The following ATP2C1 variants were observed in gnomAD, a reference collection of about 807,000 sequenced individuals.
The protein encoded by ATP2C1 is calcium-transporting ATPase type 2C member 1.
In ATP2C1, 31 loss-of-function variants were observed where a neutral mutation model predicts 120.5. The observed-to-expected ratio is 0.26, with a 90% confidence interval of 0.19 to 0.35. The LOEUF is 0.35. Among genes scored for constraint, ATP2C1 ranks in the 10% least tolerant of loss-of-function variants. ATP2C1 has a pLI of 1.00. For synonymous variants in ATP2C1, 351 were observed against 358.7 expected (o/e 0.98, Z 0.24); for missense variants, 731 against 1,107.5 (o/e 0.66, Z 4.83).
At position 131,001,540 on chromosome 3, in the gene ATP2C1, C is replaced by T; in HGVS notation, c.*190C>T. On this transcript the variant is annotated 3_prime_UTR_variant, in exon 28 of 28. Coordinates refer to ENST00000510168, the MANE Select transcript of ATP2C1 (RefSeq NM_001378687.1). ...AAATGAAATTATGCAACTTTGATAT[C>T]ATATTCCTTGATTTAAATTGGCTTT... The T allele has an allele frequency of 7.7e-7, 1 of 1,297,810 alleles. No individual in the cohort carries two copies. The highest frequency in any genetic ancestry group is 9.8e-7 in the Non-Finnish European group (1 of 1,018,434). 80.4% of individuals were successfully genotyped at this position (1,297,810 alleles called of 1,614,324 possible). A position where few individuals can be genotyped will look rare whatever the true frequency, so the allele number is the denominator to read the frequency against.
chr3:130,995,865 G>A (rs79416285), intron 22 of ATP2C1, among the ~76,000 whole-genome samples, 178 bp from the exon 23 acceptor site: 4 of 152,194 alleles, frequency 2.6e-5, no homozygotes, highest in South Asian at 2.1e-4. Context: ...AGGCTGGTCC[G>A]AACTCGTGAC....
At chr3:130,973,768 T>G (rs899904912) in intron 17 of ATP2C1, among the ~76,000 whole-genome samples, 4 of 152,216 alleles carry the variant, frequency 2.6e-5, no homozygotes, top group Admixed American at 2.6e-4. Flanking sequence ...CTTTATACTT[T>G]TCAATGAAAA....
At chr3:130,980,542 A>C (rs1448550587) in intron 19 of ATP2C1, 40 bp from the exon 20 acceptor site, 20 of 1,487,934 alleles carry the variant, frequency 1.3e-5, no homozygotes, top group Non-Finnish European at 1.7e-5. Context: ...TCAAGCAAAA[A>C]CAATTTGGTT....
At position 131,001,771 on chromosome 3, in the gene ATP2C1, A is replaced by G; in HGVS notation, c.*421A>G. ...ATACACAAATAAATTTAATCATTTC[A>G]AAGGCATTCTATTTGGTTTAGAAGT... On this transcript the variant is annotated 3_prime_UTR_variant, in exon 28 of 28. Coordinates refer to ENST00000510168, the MANE Select transcript of ATP2C1 (RefSeq NM_001378687.1). The G allele has an allele frequency of 1.0e-6, 1 of 983,424 alleles. No individual in the cohort carries two copies. Among genetic ancestry groups the G allele is most frequent in the Non-Finnish European group, 1.2e-6 (1 of 827,686 alleles). The allele number at this position is 983,424 out of a possible 1,614,324, so 60.9% of individuals were successfully genotyped here.
Position 130,894,914 on chromosome 3 carries a change from T to C in ATP2C1, c.6+139T>C, listed in dbSNP as rs1279705065. 4.2e-6 allele frequency: 4 copies of C among 947,534 alleles called. No homozygotes were observed. In the African/African-American group the frequency reaches 4.9e-5, roughly 12 times the overall value. 58.7% of individuals were successfully genotyped at this position (947,534 alleles called of 1,614,324 possible). On this transcript the variant is annotated intron_variant, in intron 2 of 27. Coordinates refer to ENST00000510168, the MANE Select transcript of ATP2C1 (RefSeq NM_001378687.1). The surrounding 1 kb of genome is among the most constrained non-coding windows in gnomAD (Gnocchi z 4.5). ...GTATGTGAAGTGTCCAAGGATTTGC[T>C]TACTTAGGGTATCCAGCTTTTATTT...
chr3:130,971,200 G>A (rs547307578), intron 17 of ATP2C1, among the ~76,000 whole-genome samples: 56 of 152,276 alleles, frequency 3.7e-4, no homozygotes, highest in African/African-American at 1.3e-3. Flanking sequence ...AGATAGTGTG[G>A]CTCATGTAAT....
intron 17 of ATP2C1, among the ~76,000 whole-genome samples, chr3:130,971,717 A>T (rs1031965801): frequency 3.9e-5 from 6 of 152,178 alleles, no homozygotes; most frequent in Admixed American, 6.5e-5. Context: ...TAAGGAACCA[A>T]TAGAACTCCC....
chr3:130,953,249 A>T (rs1454167301), intron 8 of ATP2C1, among the ~76,000 whole-genome samples: 1 of 152,002 alleles, frequency 6.6e-6, no homozygotes, highest in Non-Finnish European at 1.5e-5. Context: ...GAGTTGGAAG[A>T]TATTATGATA....
chr3:130,852,324 A>G (rs2067699333), intron 1 of ATP2C1, among the ~76,000 whole-genome samples: 1 of 152,190 alleles, frequency 6.6e-6, no homozygotes, highest in South Asian at 2.1e-4. Flanking sequence ...CAACTGTGGA[A>G]TGTGAATTGA....
intron 1 of ATP2C1, among the ~76,000 whole-genome samples, chr3:130,851,429 T>A (rs751187251): frequency 6.2e-4 from 94 of 152,306 alleles, no homozygotes; most frequent in Admixed American, 1.4e-3. Flanking sequence ...CATTTTTGTG[T>A]GTGTAAAAGG....
chr3:130,920,667 T>C (rs900524921), intron 2 of ATP2C1, among the ~76,000 whole-genome samples: 1 of 152,214 alleles, frequency 6.6e-6, no homozygotes, highest in African/African-American at 2.4e-5. Flanking sequence ...TATGGTCTTT[T>C]GTGGTTCCAT....
rs1480405567 is a variant in ATP2C1, at chr3:130,911,947, G to A, written c.6+17172G>A. 7.3e-5 allele frequency among the ~76,000 whole-genome samples: 10 copies of A among 137,016 alleles called. No homozygotes were observed. The South Asian group carries it at 1.3e-3, about 17-fold the overall frequency. The allele number at this position is 137,016 out of a possible 152,430, so 89.9% of individuals were successfully genotyped here. The stretch of plus-strand genomic sequence containing the variant: ...GAACAGAGCCCTCAGAAATAACGCC[G>A]CATATCTACAACTATCTGATCTTTG... On this transcript the variant is annotated intron_variant, in intron 2 of 27. Coordinates refer to ENST00000510168, the MANE Select transcript of ATP2C1 (RefSeq NM_001378687.1).
At chr3:130,936,712 G>T (rs1306946039) in intron 5 of ATP2C1, among the ~76,000 whole-genome samples, 1 of 151,388 alleles carries the variant, frequency 6.6e-6, no homozygotes, top group Non-Finnish European at 1.5e-5. Context: ...AGCTACTCGG[G>T]AGGCTGAGGC....
intron 2 of ATP2C1, among the ~76,000 whole-genome samples, chr3:130,913,369 AGTT>A (rs2058534204): frequency 6.6e-6 from 1 of 152,190 alleles, no homozygotes; most frequent in Admixed American, 6.5e-5. Flanking sequence ...TATTTATCTG[AGTT>A]GTTGATAAAA....
intron 1 of ATP2C1, among the ~76,000 whole-genome samples, chr3:130,861,643 GT>G (rs915303507): frequency 1.3e-5 from 2 of 152,058 alleles, no homozygotes; most frequent in Non-Finnish European, 2.9e-5. Flanking sequence ...GATATAATGT[GT>G]TTTTTTATTT....
At chr3:130,923,668 GA>G (rs1176459244) in intron 2 of ATP2C1, among the ~76,000 whole-genome samples, 1 of 151,834 alleles carries the variant, frequency 6.6e-6, no homozygotes, top group Non-Finnish European at 1.5e-5. Context: ...AGGAGTTCAA[GA>G]CTAGCCTTGC....
In ATP2C1 at chr3:130,894,732, CTT is replaced by C. The variant is rs1256189400; in HGVS notation, c.-36_-35del. On this transcript the variant is annotated 5_prime_UTR_variant, in exon 2 of 28. It removes the in-frame stop codon of an upstream open reading frame in the 5' UTR. Coordinates refer to ENST00000510168, the MANE Select transcript of ATP2C1 (RefSeq NM_001378687.1). The surrounding 1 kb of genome is among the most constrained non-coding windows in gnomAD (Gnocchi z 4.5). The stretch of plus-strand genomic sequence containing the variant: ...GTGTGGCCGTGGCTGACACTAAAGA[CTT>C]TGTAGCCATCAACCCGAGTGCAGTT... 2 of 1,614,184 alleles carry C rather than the reference CTT, an allele frequency of 1.2e-6. No homozygotes were observed. The highest frequency in any genetic ancestry group is 1.7e-6 in the Non-Finnish European group (2 of 1,180,032).
At chr3:130,958,174 A>G (rs536398736) in intron 11 of ATP2C1, among the ~76,000 whole-genome samples, 7 of 152,282 alleles carry the variant, frequency 4.6e-5, no homozygotes, top group Non-Finnish European at 7.4e-5. Flanking sequence ...AGTATATTAC[A>G]TTGGACATAA....
chr3:130,911,472 T>G (rs2108118642), intron 2 of ATP2C1, among the ~76,000 whole-genome samples: 1 of 151,060 alleles, frequency 6.6e-6, no homozygotes, highest in East Asian at 1.9e-4. Context: ...TGATTTTAGT[T>G]ATTTCTTGCC....
Sources: gnomAD v4.1 joint callset for allele counts (sites outside exome capture counted in the v4.1 genomes callset) on GRCh38, gnomAD v4.1.1 for gene constraint, Gnocchi (gnomAD v3.1) non-coding constraint, MANE v1.5 for transcripts, NCBI Gene and HGNC (gene_info 2026-07-23, HGNC 2026-07-21) for gene names.